STX8: variants seen among roughly 807,000 people sequenced by gnomAD.
STX8 encodes syntaxin 8, also known as syntaxin-8.
Under a neutral mutation model 37.5 loss-of-function variants are expected in STX8, and 23 were observed. The observed-to-expected ratio is 0.61, with a 90% CI of 0.44 to 0.87. The LOEUF is 0.87. Among genes scored for constraint, STX8 ranks in the 40% least tolerant of loss-of-function variants. STX8 has a pLI of 0.00. For synonymous variants in STX8, 115 were observed against 99.1 expected (o/e 1.16, Z -0.95); for missense variants, 313 against 284.7 (o/e 1.10, Z -0.71).
At chr17:9,325,294 T>C (rs1256077478) in intron 7 of STX8, among the ~76,000 whole-genome samples, 1 of 152,194 alleles carries the variant, frequency 6.6e-6, no homozygotes, top group Non-Finnish European at 1.5e-5. Context: ...CCTCAAGTTG[T>C]GAATAGGAAT....
intron 5 of STX8, among the ~76,000 whole-genome samples, chr17:9,497,276 C>T (rs996335236): frequency 1.3e-5 from 2 of 152,176 alleles, no homozygotes; most frequent in Non-Finnish European, 2.9e-5. Flanking sequence ...TAAAAGAAAA[C>T]ATCACAGCAC....
Position 9,536,747 on chromosome 17 carries a change from A to T in STX8, c.323+8425T>A, listed in dbSNP as rs1221891330. Among the ~76,000 whole-genome samples the T allele has an allele frequency of 1.5e-3, 215 of 145,352 alleles. 1 individual carries two copies. Among genetic ancestry groups the T allele is most frequent in the African/African-American group, 4.4e-3 (175 of 39,610 alleles). Reference sequence around the variant, plus strand: ...ACTCTGCAAGAATGGGCTTATTATTATTTTTTTTTTTTTGAGATGGGGTTT... The same window carrying T: ...ACTCTGCAAGAATGGGCTTATTATTTTTTTTTTTTTTTTGAGATGGGGTTT... On this transcript the variant is annotated intron_variant, in intron 4 of 7. Coordinates refer to ENST00000306357, the MANE Select transcript of STX8 (RefSeq NM_004853.3).
At chr17:9,411,020 C>T (rs1912961582) in intron 6 of STX8, among the ~76,000 whole-genome samples, 7 of 152,178 alleles carry the variant, frequency 4.6e-5, no homozygotes, top group Admixed American at 4.6e-4. Flanking sequence ...GCATTATTTG[C>T]TCAAATAACA....
At chr17:9,497,536 C>T (rs1567586684) in intron 5 of STX8, among the ~76,000 whole-genome samples, 1 of 152,150 alleles carries the variant, frequency 6.6e-6, no homozygotes, top group Non-Finnish European at 1.5e-5. Context: ...AACAGATTGG[C>T]TATGGGTTGA....
rs1334867949 is a variant in STX8 at position 9,324,086 on chromosome 17, CCTCTCTCTCTCTCTCTCTCTCTGT to C, written c.643+54442_643+54465del. Among the ~76,000 whole-genome samples the C allele has an allele frequency of 3.5e-5, 5 of 144,148 alleles. No homozygotes were observed. The East Asian group carries it at 1.0e-3, about 30-fold the overall frequency. 94.6% of individuals were successfully genotyped at this position (144,148 alleles called of 152,430 possible). Reference sequence around the variant, plus strand: ...GACTTGCTCAAGGTCTCAGGGCATCCCTCTCTCTCTCTCTCTCTCTCTGTCTCTCTCTCTCTCTCTCACACACAC... The same window carrying C: ...GACTTGCTCAAGGTCTCAGGGCATCCCTCTCTCTCTCTCTCTCACACACAC... On this transcript the variant is annotated intron_variant, in intron 7 of 7. Transcript: ENST00000306357.
At chr17:9,480,814 G>A (rs1235886614) in intron 6 of STX8, among the ~76,000 whole-genome samples, 2 of 152,190 alleles carry the variant, frequency 1.3e-5, no homozygotes, top group Non-Finnish European at 2.9e-5. Flanking sequence ...TTCCTCATCT[G>A]ACATCAATGT....
At chr17:9,567,198 G>A (rs1907496420) in intron 2 of STX8, among the ~76,000 whole-genome samples, 1 of 152,132 alleles carries the variant, frequency 6.6e-6, no homozygotes, top group African/African-American at 2.4e-5. Context: ...AATAGTAAGT[G>A]CTAGGCTTCA....
chr17:9,307,685 T>C (rs1909047734), intron 7 of STX8, among the ~76,000 whole-genome samples: 1 of 152,120 alleles, frequency 6.6e-6, no homozygotes, highest in African/African-American at 2.4e-5. Context: ...CAGAACGCGA[T>C]ACCCCAGAGT....
Position 9,433,207 on chromosome 17 carries a change from C to T in STX8, c.542-54554G>A, listed in dbSNP as rs59479456. ...TAGCGTTTTGATGTGGAAGACAAGG[C>T]ATACGCCTGGACCCCAGGCCAGTGT... is the stretch of plus-strand genomic sequence containing the variant. On this transcript the variant is annotated intron_variant, in intron 6 of 7. Transcript: ENST00000306357. Among the ~76,000 whole-genome samples the T allele has an allele frequency of 7.9e-5, 12 of 152,334 alleles. No individual in the cohort carries two copies. The East Asian group carries it at 2.1e-3, about 27-fold the overall frequency.
chr17:9,537,673 G>C (rs900896123), intron 4 of STX8, among the ~76,000 whole-genome samples: 2 of 152,196 alleles, frequency 1.3e-5, no homozygotes, highest in Non-Finnish European at 2.9e-5. Context: ...AAAAGTGCAT[G>C]AAGACGCTCA....
intron 4 of STX8, among the ~76,000 whole-genome samples, chr17:9,529,544 C>T (rs1281843608): frequency 6.6e-6 from 1 of 152,088 alleles, no homozygotes; most frequent in Non-Finnish European, 1.5e-5. Flanking sequence ...TACCAGAACC[C>T]CAGGAGCCCT....
chr17:9,260,927 G>C (rs1362974327), intron 7 of STX8, among the ~76,000 whole-genome samples: 2 of 152,352 alleles, frequency 1.3e-5, no homozygotes, highest in African/African-American at 4.8e-5. Context: ...GGCAGCAACT[G>C]TCGGAAAAGA....
At chr17:9,545,509 G>C (rs995617507) in intron 3 of STX8, among the ~76,000 whole-genome samples, 1 of 152,166 alleles carries the variant, frequency 6.6e-6, no homozygotes, top group African/African-American at 2.4e-5. Flanking sequence ...TATAAACACT[G>C]ACGTGGATCA....
chr17:9,276,038 G>C (rs1253429851), intron 7 of STX8, among the ~76,000 whole-genome samples: 1 of 151,948 alleles, frequency 6.6e-6, no homozygotes, highest in Non-Finnish European at 1.5e-5. Flanking sequence ...CTTCAAATGG[G>C]ATCTTTTTAG....
intron 6 of STX8, among the ~76,000 whole-genome samples, chr17:9,410,292 G>T (rs1912937735): frequency 6.6e-6 from 1 of 152,188 alleles, no homozygotes. Context: ...AGAATCATCT[G>T]TTTATTCTCA....
At chr17:9,393,372 G>A (rs1912291481) in intron 6 of STX8, among the ~76,000 whole-genome samples, 1 of 152,160 alleles carries the variant, frequency 6.6e-6, no homozygotes, top group Non-Finnish European at 1.5e-5. Context: ...TCAGACAGAA[G>A]AAAAACGATA....
chr17:9,475,991 C>T (rs1906087966), intron 6 of STX8, among the ~76,000 whole-genome samples: 1 of 152,182 alleles, frequency 6.6e-6, no homozygotes, highest in African/African-American at 2.4e-5. Flanking sequence ...CCAGCCTGAC[C>T]AACATGGTGA....
intron 6 of STX8, among the ~76,000 whole-genome samples, chr17:9,389,842 A>G (rs1189494451): frequency 6.6e-6 from 1 of 152,178 alleles, no homozygotes; most frequent in Admixed American, 6.5e-5. Context: ...TATAATTGAT[A>G]TCATACTCAA....
intron 7 of STX8, among the ~76,000 whole-genome samples, chr17:9,315,532 T>C (rs1909354969): frequency 6.6e-6 from 1 of 152,222 alleles, no homozygotes; most frequent in Admixed American, 6.5e-5. Context: ...GCGTGTCACA[T>C]GCATTTGTTT....
Sources: gnomAD v4.1 joint callset for allele counts (sites outside exome capture counted in the v4.1 genomes callset) on GRCh38, gnomAD v4.1.1 for gene constraint, MANE v1.5 for transcripts, NCBI Gene and HGNC (gene_info 2026-07-23, HGNC 2026-07-21) for gene names.